The following MYH3 variants were observed in gnomAD, a reference collection of about 807,000 sequenced individuals.
MYH3 encodes the protein myosin heavy chain 3.
A neutral mutation model predicts 238.0 loss-of-function variants in MYH3; 130 were observed. The ratio of observed to expected loss-of-function variants is 0.55; its 90% CI spans 0.47 to 0.63. The LOEUF (loss-of-function observed/expected upper bound fraction) is 0.63, where lower values mean the gene tolerates loss of function less well. Ranked by LOEUF, MYH3 falls within the 30% of genes least tolerant of loss-of-function variation. The pLI is 0.00. For synonymous variants in MYH3, 880 were observed against 924.1 expected (o/e 0.95, Z 0.86); for missense variants, 1,853 against 2,374.9 (o/e 0.78, Z 4.57).
intron 40 of MYH3, among the ~76,000 whole-genome samples, chr17:10,629,293 T>G (rs2074126970): frequency 6.6e-6 from 1 of 152,126 alleles, no homozygotes; most frequent in African/African-American, 2.4e-5. Context: ...GGTTTTCTGT[T>G]TCTGTGTTAG....
At chr17:10,645,892 A>C in intron 11 of MYH3, 37 bp downstream of exon 11, 2 of 1,613,720 alleles carry the variant, frequency 1.2e-6, no homozygotes, top group Non-Finnish European at 1.7e-6. Context: ...CCAGTGATGG[A>C]GGAGGAACAC....
At chr17:10,669,645 T>C in the MYH3 span, among the ~76,000 whole-genome samples, 1 of 151,686 alleles carries the variant, frequency 6.6e-6, no homozygotes, top group African/African-American at 2.4e-5. Context: ...GGCTTGCGCC[T>C]GTAATCCCAA....
At position 10,639,328 on chromosome 17, in the gene MYH3, G is replaced by C. The variant is rs139544273; in HGVS notation, c.3072C>G (p.Thr1024=). The C allele has an allele frequency of 7.2e-4, 1,164 of 1,614,076 alleles. 1 individual carries two copies. The highest frequency in any genetic ancestry group is 8.4e-4 in the Non-Finnish European group (989 of 1,180,004). The change falls in exon 24 of 41, where the codon ACC becomes ACG. Residue 1024 remains threonine, a synonymous_variant. Transcript: ENST00000583535. ...CCACTTGCTGTTCCAGTTTGCTCTT[G>C]GTTTTGTTCAAAGAATTGACTTTGT... ...EEDKVNSLNK[T]KSKLEQQVED... is the part of the protein sequence containing the mutation.
Position 10,638,910 on chromosome 17 carries a change from A to G in MYH3, c.3302T>C (p.Leu1101Pro), listed in dbSNP as rs1224727596. 2 of 1,614,074 alleles carry G rather than the reference A, an allele frequency of 1.2e-6. No homozygotes were observed. Among genetic ancestry groups the G allele is most frequent in the Non-Finnish European group, 1.7e-6 (2 of 1,180,018 alleles). ...LQSKVEDEQTLGLQFQKKIKE... is the reference protein window; with the variant it reads ...LQSKVEDEQTPGLQFQKKIKE... ...GATTTTCTTCTGAAACTGGAGGCCC[A>G]GTGTCTGCTCATCTTCCACTTTGCT... is the stretch of plus-strand genomic sequence containing the variant. Residue 1101 changes from leucine to proline, a missense_variant, in exon 26 of 41, where the codon CTG becomes CCG. This residue lies in a region of MYH3 where 1,044 missense variants were observed against 1,192.6 expected (regional missense o/e 0.88). Transcript: ENST00000583535.
intron 28 of MYH3, 100 bp downstream of exon 28, chr17:10,637,707 TAG>T: frequency 6.6e-7 from 1 of 1,505,712 alleles, no homozygotes; most frequent in Non-Finnish European, 9.2e-7. Context: ...GATGCTTCCC[TAG>T]AGATTCTCCC....
chr17:10,637,782 C>T lies in MYH3; in HGVS notation c.3856+27G>A, dbSNP rs2074228825. The T allele has an allele frequency of 1.9e-6, 3 of 1,613,592 alleles. No individual in the cohort carries two copies. The East Asian group carries it at 6.7e-5, about 36-fold the overall frequency. ...CCATTGGGTGCCAGGAGGTTTTGGC[C>T]CCACGGGTTTTCTGCACGTGGCTTA... is the stretch of plus-strand genomic sequence containing the variant. On this transcript the variant is annotated intron_variant, in intron 28 of 40. Transcript: ENST00000583535.
At position 10,629,659 on chromosome 17, in the gene MYH3, C is replaced by T; in HGVS notation, c.5734G>A (p.Asp1912Asn). The change falls in exon 40 of 41, where the codon GAT (aspartate) becomes AAT (asparagine). Residue 1912 changes from aspartate (D) to asparagine (N), a missense_variant. Coordinates refer to ENST00000583535, the MANE Select transcript of MYH3 (RefSeq NM_002470.4). ...TTGTTGACTTGAGATTCTGCGATAT[C>T]CGCACGTTCCTCGGCCTCCTCCAGC... ...HELEEAEERA[D>N]IAESQVNKLR... 6.2e-7 allele frequency: 1 copy of T among 1,614,230 alleles called. No homozygotes were observed. Among genetic ancestry groups the T allele is most frequent in the Non-Finnish European group, 8.5e-7 (1 of 1,180,058 alleles).
intron 14 of MYH3, among the ~76,000 whole-genome samples, 198 bp from the exon 15 acceptor site, chr17:10,643,194 C>T (rs2074289225): frequency 6.6e-6 from 1 of 152,132 alleles, no homozygotes; most frequent in Admixed American, 6.5e-5. Context: ...AGGTGTTTCT[C>T]CCTTTCCTGA....
At position 10,642,653 on chromosome 17, in the gene MYH3, T is replaced by C. The variant is rs375278205; in HGVS notation, c.1652A>G (p.Asn551Ser). 43 of 1,614,096 alleles carry C rather than the reference T, an allele frequency of 2.7e-5. No homozygotes were observed. The highest frequency in any genetic ancestry group is 3.6e-5 in the Non-Finnish European group (42 of 1,180,042). Residue 551 changes from asparagine to serine, a missense_variant, in exon 16 of 41, where the codon AAC becomes AGC. By Grantham distance (46) the Asn-to-Ser change is conservative. Around this residue, in one of 3 missense-constraint regions of MYH3, gnomAD observed 678 missense variants for 1,058.9 expected, o/e 0.64. Transcript: ENST00000583535. The surrounding 1 kb of genome is among the most constrained non-coding windows in gnomAD (Gnocchi z 5.4). ...TCCAAGATGCTGGTCATACAGCTTG[T>C]TCTTGAAGGAGGTGTCTGTTGCCTT... ...FPKATDTSFKNKLYDQHLGKS... is the reference protein window; with the variant it reads ...FPKATDTSFKSKLYDQHLGKS...
At chr17:10,663,483 C>T in the MYH3 span, among the ~76,000 whole-genome samples, 16 of 152,100 alleles carry the variant, frequency 1.1e-4, no homozygotes, top group Admixed American at 7.2e-4. Context: ...GCATCCTCAG[C>T]AAGGGGACAG....
At chr17:10,658,477 G>C (rs2074456015), upstream of MYH3, 1 of 151,952 alleles carries the variant, frequency 6.6e-6, no homozygotes, top group Non-Finnish European at 1.5e-5. Flanking sequence ...CATCCTCTGT[G>C]CTCTGGCCCT....
chr17:10,659,580 GC>G (rs1271263954), upstream of MYH3, among the ~76,000 whole-genome samples: 3 of 152,200 alleles, frequency 2.0e-5, no homozygotes, highest in Non-Finnish European at 4.4e-5. Context: ...CATGGAGATG[GC>G]CTGGTCCCTG....
chr17:10,662,624 C>T, the MYH3 span, among the ~76,000 whole-genome samples: 15 of 152,258 alleles, frequency 9.9e-5, no homozygotes, highest in East Asian at 1.7e-3. Flanking sequence ...TTAGGCAGTT[C>T]GCATGTAAAT....
intron 31 of MYH3, among the ~76,000 whole-genome samples, chr17:10,634,420 G>A (rs1320196229): frequency 1.3e-5 from 2 of 152,150 alleles, no homozygotes; most frequent in Admixed American, 6.5e-5. Context: ...GGAATTAGCT[G>A]GGCATAATTG....
intron 1 of MYH3, among the ~76,000 whole-genome samples, chr17:10,656,383 A>T (rs1183475036): frequency 1.3e-5 from 2 of 152,116 alleles, no homozygotes; most frequent in African/African-American, 4.8e-5. Flanking sequence ...AAATAAATTT[A>T]AAAAATTGCT....
intron 4 of MYH3, chr17:10,652,057 CAT>C (rs2074381255): frequency 2.5e-6 from 1 of 392,176 alleles, no homozygotes; most frequent in African/African-American, 2.1e-5. Flanking sequence ...ATTATTATCT[CAT>C]GTTTCTTTGG....
Position 10,632,757 on chromosome 17 carries a change from T to A in MYH3, c.4675A>T (p.Ile1559Phe). 6.2e-7 allele frequency: 1 copy of A among 1,614,246 alleles called. No homozygotes were observed. The highest frequency in any genetic ancestry group is 8.5e-7 in the Non-Finnish European group (1 of 1,180,042). The change falls in exon 34 of 41, where the codon ATC becomes TTC. Residue 1559 changes from isoleucine (I) to phenylalanine (F), a missense_variant. By Grantham distance (21) the Ile-to-Phe change is conservative. Coordinates refer to ENST00000583535, the MANE Select transcript of MYH3 (RefSeq NM_002470.4). ...GTCAATTCAAGCTGGATTCGGAGGA[T>A]CTTGGCTTCTTCATGCTCAAGAGCA... Reference protein sequence around the residue: ...EAALEHEEAKILRIQLELTQV... With the variant: ...EAALEHEEAKFLRIQLELTQV...
In MYH3 at chr17:10,642,882, A is replaced by C. The variant is rs1251903998; in HGVS notation, c.1525T>G (p.Trp509Gly). 1 of 1,614,150 alleles carries C rather than the reference A, an allele frequency of 6.2e-7. No homozygotes were observed. Among genetic ancestry groups the C allele is most frequent in the African/African-American group, 1.3e-5 (1 of 75,026 alleles). Residue 509 changes from tryptophan (W) to glycine (G), a missense_variant, in exon 15 of 41, where the codon TGG (tryptophan) becomes GGG (glycine). Trp to Gly is a radical substitution (Grantham distance 184). Transcript: ENST00000583535. The surrounding 1 kb of genome is among the most constrained non-coding windows in gnomAD (Gnocchi z 5.4). ...QEEYKKEGIEWTFIDFGMDLA... is the reference protein window; with the variant it reads ...QEEYKKEGIEGTFIDFGMDLA... ...TCCATCCCGAAGTCAATGAACGTCCACTCGATGCCTTCCTTCTTGTACTCC... is the reference window on the plus strand; with the variant it reads ...TCCATCCCGAAGTCAATGAACGTCCCCTCGATGCCTTCCTTCTTGTACTCC...
chr17:10,629,001 C>A (rs1048395040), intron 40 of MYH3, among the ~76,000 whole-genome samples: 3 of 152,178 alleles, frequency 2.0e-5, no homozygotes, highest in Non-Finnish European at 4.4e-5. Flanking sequence ...GTGGGACCCG[C>A]TCGCTCCTTT....
Sources: allele counts gnomAD v4.1 joint callset (sites outside exome capture counted in the v4.1 genomes callset), GRCh38; gene constraint gnomAD v4.1.1; regional missense constraint gnomAD v4.1.1; non-coding constraint Gnocchi (gnomAD v3.1); transcripts MANE v1.5; gene names NCBI Gene and HGNC (gene_info 2026-07-23, HGNC 2026-07-21).